PABPC4: variants seen among roughly 807,000 people sequenced by gnomAD.
PABPC4 encodes the protein polyadenylate-binding protein 4.
A neutral mutation model predicts 74.5 loss-of-function variants in PABPC4; 15 were observed. The observed-to-expected ratio is 0.20, with a 90% CI of 0.13 to 0.31. PABPC4 has a LOEUF of 0.31. Among genes scored for constraint, PABPC4 ranks in the 10% least tolerant of loss-of-function variants. The pLI is 1.00. For missense variants in PABPC4, 610 were observed against 853.5 expected (o/e 0.71, Z 3.55); for synonymous variants, 345 against 303.0 (o/e 1.14, Z -1.44).
intron 1 of PABPC4, among the ~76,000 whole-genome samples, chr1:39,573,500 T>C (rs1456538217): frequency 2.6e-5 from 4 of 152,166 alleles, no homozygotes; most frequent in South Asian, 2.1e-4. Context: ...ACCAAGTCCG[T>C]GTGTACACCA....
chr1:39,568,897 T>A lies in PABPC4; in HGVS notation c.781A>T (p.Ile261Leu), dbSNP rs137869976. The A allele has an allele frequency of 1.2e-6, 2 of 1,614,062 alleles. No individual in the cohort carries two copies. Among genetic ancestry groups the A allele is most frequent in the Admixed American group, 3.3e-5 (2 of 59,990 alleles). The change falls in exon 6 of 16, where the codon ATA (isoleucine) becomes TTA (leucine). Residue 261 changes from isoleucine to leucine, a missense_variant. This residue lies in a region of PABPC4 where 304 missense variants were observed against 478.9 expected (regional missense o/e 0.63). Coordinates refer to ENST00000372858, the MANE Select transcript of PABPC4 (RefSeq NM_001135653.2). Reference protein sequence around the residue: ...MNGKEISGKIIFVGRAQKKVE... With the variant: ...MNGKEISGKILFVGRAQKKVE... ...TTCTTTTGTGCACGGCCTACAAATA[T>A]GATTTTACCACTTATTTCTTTTCCA...
intron 6 of PABPC4, 35 bp from the exon 7 acceptor site, chr1:39,567,881 A>AT (rs1557716754): frequency 1.0e-5 from 12 of 1,171,954 alleles, no homozygotes; most frequent in African/African-American, 1.5e-5. Flanking sequence ...CTACACTTCT[A>AT]TATCACAAAT....
rs1442972879 is a variant in PABPC4 at position 39,576,764 on chromosome 1, G to A, written c.-813C>T. ...GGCTGCGAAGCCCGAAAGCGGCGGA[G>A]GCGGCAGCGACCCGGGGCGGAGAGA... On this transcript the variant is annotated 5_prime_UTR_variant, in exon 1 of 16. Transcript: ENST00000372858. The A allele has an allele frequency of 2.0e-5, 3 of 150,006 alleles. No individual in the cohort carries two copies. Among genetic ancestry groups the A allele is most frequent in the Non-Finnish European group, 4.5e-5 (3 of 67,268 alleles). The allele number at this position is 150,006 out of a possible 1,614,324, so 9.3% of individuals were successfully genotyped here. A position where few individuals can be genotyped will look rare whatever the true frequency, so the allele number is the denominator to read the frequency against.
In PABPC4 at chr1:39,563,920, A is replaced by T; in HGVS notation, c.1456T>A (p.Ser486Thr). The T allele has an allele frequency of 6.2e-7, 1 of 1,614,044 alleles. No individual in the cohort carries two copies. The highest frequency in any genetic ancestry group is 1.1e-5 in the South Asian group (1 of 91,068). ...ATAGCCAAGCGGTCCGGGCACTCAG[A>T]CCCTACAACAGACCAGCAAATGCAC... is the stretch of plus-strand genomic sequence containing the variant. ...GLPTTTQRVG[S>T]ECPDRLAMDF... Residue 486 changes from serine to threonine, a missense_variant and splice_region_variant, in exon 11 of 16, where the codon TCT becomes ACT. Ser to Thr is a moderately conservative substitution (Grantham distance 58). Coordinates refer to ENST00000372858, the MANE Select transcript of PABPC4 (RefSeq NM_001135653.2).
Position 39,565,239 on chromosome 1 carries a change from T to C in PABPC4, c.1112A>G (p.Lys371Arg). The change falls in exon 8 of 16, where the codon AAG (lysine) becomes AGG (arginine). Residue 371 changes from lysine (K) to arginine (R), a missense_variant. Lys to Arg is a conservative substitution (Grantham distance 26). Transcript: ENST00000372858. Reference sequence around the variant, plus strand: ...GGTCAGGTGAGCCTTTCTCTCTTCCTTCCTCTGGGCCAGGGCAACATATAG... The same window carrying C: ...GGTCAGGTGAGCCTTTCTCTCTTCCCTCCTCTGGGCCAGGGCAACATATAG... Reference protein sequence around the residue: ...KPLYVALAQRKEERKAHLTNQ... With the variant: ...KPLYVALAQRREERKAHLTNQ... 2 of 1,614,226 alleles carry C rather than the reference T, an allele frequency of 1.2e-6. No homozygotes were observed. The highest frequency in any genetic ancestry group is 1.7e-6 in the Non-Finnish European group (2 of 1,180,040).
chr1:39,567,447 CT>C, intron 7 of PABPC4: 1 of 547,922 alleles, frequency 1.8e-6, no homozygotes, highest in Non-Finnish European at 3.6e-6. Flanking sequence ...TCTGCTCATT[CT>C]GTAGCACCAT....
chr1:39,563,883 C>T lies in PABPC4; in HGVS notation c.1493G>A (p.Gly498Glu). The T allele has an allele frequency of 1.2e-6, 2 of 1,614,222 alleles. No homozygotes were observed. Among genetic ancestry groups the T allele is most frequent in the Non-Finnish European group, 1.7e-6 (2 of 1,180,042 alleles). The change falls in exon 11 of 16, where the codon GGG becomes GAG. Residue 498 changes from glycine to glutamate, a missense_variant. Around this residue, in one of 4 missense-constraint regions of PABPC4, gnomAD observed 277 missense variants for 301.8 expected, o/e 0.92. Transcript: ENST00000372858. ...CPDRLAMDFG[G>E]AGAAQQGLTD... ...CAGCCCTTGCTGGGCGGCACCAGCC[C>T]CACCAAAGTCCATAGCCAAGCGGTC...
intron 1 of PABPC4, among the ~76,000 whole-genome samples, chr1:39,574,415 G>A (rs905140522): frequency 5.3e-5 from 8 of 152,244 alleles, no homozygotes; most frequent in Non-Finnish European, 2.9e-5. Context: ...CTTATTTATA[G>A]CAGGGAGAAG....
intron 1 of PABPC4, 166 bp from the exon 2 acceptor site, chr1:39,572,752 A>G (rs1012080647): frequency 9.3e-6 from 5 of 537,978 alleles, no homozygotes; most frequent in Non-Finnish European, 1.3e-5. Flanking sequence ...CACTGTTAGT[A>G]AGGGAAGCAT....
At position 39,571,665 on chromosome 1, in the gene PABPC4, G is replaced by C. The variant is rs1645941933; in HGVS notation, c.388-316C>G. 5 of 501,612 alleles carry C rather than the reference G, an allele frequency of 1.0e-5. No homozygotes were observed. In the East Asian group the frequency reaches 2.7e-4, roughly 27 times the overall value. 31.1% of individuals were successfully genotyped at this position (501,612 alleles called of 1,614,324 possible). On this transcript the variant is annotated intron_variant, in intron 2 of 15. Coordinates refer to ENST00000372858, the MANE Select transcript of PABPC4 (RefSeq NM_001135653.2). ...ATGCTTTGGGAGGCCAAAGCAGGAG[G>C]ATCGTTGGAGCCAGATCGTTGGACA...
rs1250259150 is a variant in PABPC4, at chr1:39,572,733, T to A, written c.194-147A>T. The A allele has an allele frequency of 6.7e-6, 4 of 593,824 alleles. No homozygotes were observed. The African/African-American group carries it at 7.4e-5, about 11-fold the overall frequency. 36.8% of individuals were successfully genotyped at this position (593,824 alleles called of 1,614,324 possible). ...TTAAAATAAAAGGGCATCAGATTCC[T>A]CCAGCCTGCACTGTTAGTAAGGGAA... On this transcript the variant is annotated intron_variant, in intron 1 of 15. Coordinates refer to ENST00000372858, the MANE Select transcript of PABPC4 (RefSeq NM_001135653.2).
chr1:39,563,282 A>C (rs1172775579), intron 12 of PABPC4: 3 of 262,226 alleles, frequency 1.1e-5, no homozygotes, highest in Non-Finnish European at 1.5e-5. Context: ...ATCATCTTGC[A>C]GAGCAGCCAA....
chr1:39,574,182 T>C (rs1001981103), intron 1 of PABPC4, among the ~76,000 whole-genome samples: 1 of 152,086 alleles, frequency 6.6e-6, no homozygotes, highest in Non-Finnish European at 1.5e-5. Context: ...CTCATCTGTG[T>C]GGGGGGTAGT....
intron 12 of PABPC4, chr1:39,562,671 AAAAC>A: frequency 2.4e-6 from 1 of 422,310 alleles, no homozygotes; most frequent in Non-Finnish European, 4.2e-6. Flanking sequence ...CGTAAATAAT[AAAAC>A]AAACCTATAG....
intron 7 of PABPC4, 163 bp downstream of exon 7, chr1:39,567,588 G>A (rs529654729): frequency 1.4e-6 from 1 of 700,022 alleles, no homozygotes; most frequent in Non-Finnish European, 2.6e-6. Context: ...TTAACCTAAT[G>A]AAATGTCATT....
In PABPC4 at chr1:39,560,909, A is replaced by T. The variant is rs530595745; in HGVS notation, c.*227T>A. On this transcript the variant is annotated 3_prime_UTR_variant, in exon 16 of 16. Transcript: ENST00000372858. ...GGGGGAAAAAATCAAAACCCACAAT[A>T]AAAAAAAAGTTAACACTGTCTGGGC... 5.3e-6 allele frequency: 1 copy of T among 190,428 alleles called. No individual in the cohort carries two copies. The highest frequency in any genetic ancestry group is 2.3e-5 in the African/African-American group (1 of 43,250). The allele number at this position is 190,428 out of a possible 1,614,324, so 11.8% of individuals were successfully genotyped here.
At position 39,576,079 on chromosome 1, in the gene PABPC4, C is replaced by G. The variant is rs1240984418; in HGVS notation, c.-128G>C. 1 of 622,372 alleles carries G rather than the reference C, an allele frequency of 1.6e-6. No homozygotes were observed. The highest frequency in any genetic ancestry group is 3.3e-5 in the East Asian group (1 of 30,134). The allele number at this position is 622,372 out of a possible 1,614,324, so 38.6% of individuals were successfully genotyped here. ...ACAGGTGGCACCGGCGCGGCGAGGACGAGCTGGAGTCGGCGGGCTTGGAGA... is the reference window on the plus strand; with the variant it reads ...ACAGGTGGCACCGGCGCGGCGAGGAGGAGCTGGAGTCGGCGGGCTTGGAGA... On this transcript the variant is annotated 5_prime_UTR_variant, in exon 1 of 16. Coordinates refer to ENST00000372858, the MANE Select transcript of PABPC4 (RefSeq NM_001135653.2).
chr1:39,568,865 T>C lies in PABPC4; in HGVS notation c.813A>G (p.Glu271=), dbSNP rs367638059. Residue 271 remains glutamate, a synonymous_variant, in exon 6 of 16, where the codon GAA becomes GAG. Transcript: ENST00000372858. ...IFVGRAQKKV[E]RQAELKRKFE... is the part of the protein sequence containing the mutation. ...ATTTCCGTTTTAACTCTGCCTGCCGTTCTACTTTCTTTTGTGCACGGCCTA... is the reference window on the plus strand; with the variant it reads ...ATTTCCGTTTTAACTCTGCCTGCCGCTCTACTTTCTTTTGTGCACGGCCTA... 8 of 1,614,024 alleles carry C rather than the reference T, an allele frequency of 5.0e-6. No individual in the cohort carries two copies. In the African/African-American group the frequency reaches 9.3e-5, roughly 19 times the overall value.
chr1:39,564,987 T>C (rs1645815354), intron 8 of PABPC4, 119 bp downstream of exon 8: 7 of 1,141,590 alleles, frequency 6.1e-6, no homozygotes, highest in Non-Finnish European at 8.8e-6. Flanking sequence ...CATTTTTACT[T>C]GAAGGGTCCT....
Sources: allele counts gnomAD v4.1 joint callset (sites outside exome capture counted in the v4.1 genomes callset), GRCh38; gene constraint gnomAD v4.1.1; regional missense constraint gnomAD v4.1.1; transcripts MANE v1.5; gene names NCBI Gene and HGNC (gene_info 2026-07-23, HGNC 2026-07-21).